The following PTH2R variants were observed in gnomAD, a reference collection of about 807,000 sequenced individuals.
PTH2R encodes PTH2 receptor.
PTH2R carries 59 observed loss-of-function variants against 60.3 expected under a neutral mutation model. The ratio of observed to expected loss-of-function variants is 0.98; its 90% CI spans 0.79 to 1.22. The LOEUF is 1.22. Ranked by LOEUF, PTH2R falls within the 50% of genes most tolerant of loss-of-function variation. The probability of loss-of-function intolerance (pLI) is 0.00; values close to 1 mark genes in which losing one functional copy is unlikely to be tolerated. For missense variants in PTH2R, 749 were observed against 682.6 expected (o/e 1.10, Z -1.08); for synonymous variants, 256 against 243.8 (o/e 1.05, Z -0.47).
chr2:208,378,930 G>A (rs906772132), intron 1 of PTH2R, among the ~76,000 whole-genome samples: 8 of 152,132 alleles, frequency 5.3e-5, no homozygotes, highest in Non-Finnish European at 1.0e-4. Context: ...CAGGGTGGTT[G>A]TGAAGATTAG....
chr2:208,438,706 G>C (rs1195457888), intron 4 of PTH2R, among the ~76,000 whole-genome samples: 2 of 152,174 alleles, frequency 1.3e-5, no homozygotes, highest in Non-Finnish European at 2.9e-5. Context: ...AAAACCCTGA[G>C]AATAGTCCAT....
intron 9 of PTH2R, among the ~76,000 whole-genome samples, chr2:208,477,947 TACTA>T (rs1703051351): frequency 3.6e-5 from 1 of 27,992 alleles, no homozygotes; most frequent in Admixed American, 6.1e-4. Context: ...CTACTAGTAG[TACTA>T]GCACTACTAC....
chr2:208,441,987 C>T (rs1340234995), intron 4 of PTH2R, among the ~76,000 whole-genome samples: 2 of 151,894 alleles, frequency 1.3e-5, no homozygotes, highest in African/African-American at 2.4e-5. Flanking sequence ...GTAACGATAT[C>T]GATGAATATA....
chr2:208,485,339 C>G lies in PTH2R; in HGVS notation c.1077-3673C>G, dbSNP rs182622308. Among the ~76,000 whole-genome samples, 851 of 152,250 alleles carry G rather than the reference C, an allele frequency of 5.6e-3. 11 individuals are homozygous for G. The highest frequency in any genetic ancestry group is 0.018 in the African/African-American group (750 of 41,542). ...CGTGGCTTTGCCCTTGGACACAGAC[C>G]ACACCATGTTTCCAGCAAACCAGAA... On this transcript the variant is annotated intron_variant, in intron 10 of 12. Transcript: ENST00000272847.
At chr2:208,408,321 G>GA (rs1309441634) in intron 1 of PTH2R, among the ~76,000 whole-genome samples, 1 of 152,040 alleles carries the variant, frequency 6.6e-6, no homozygotes, top group Non-Finnish European at 1.5e-5. Flanking sequence ...TGAATGCATG[G>GA]AAAAAAATTT....
intron 9 of PTH2R, chr2:208,469,714 C>T (rs1319946040): frequency 6.6e-6 from 1 of 152,128 alleles, no homozygotes; most frequent in Non-Finnish European, 1.5e-5. Context: ...AAATAAATGT[C>T]CCCAAATGTA....
At chr2:208,385,662 C>T (rs945012142) in intron 1 of PTH2R, among the ~76,000 whole-genome samples, 30 of 152,160 alleles carry the variant, frequency 2.0e-4, no homozygotes, top group Non-Finnish European at 2.8e-4. Flanking sequence ...TTTTCAATGA[C>T]GTAGTACCAG....
intron 1 of PTH2R, among the ~76,000 whole-genome samples, chr2:208,383,235 G>A (rs569429696): frequency 8.1e-4 from 123 of 152,212 alleles, no homozygotes; most frequent in Non-Finnish European, 1.5e-3. Context: ...AAGTAAGGAC[G>A]AATTTCCTTT....
At chr2:208,439,017 A>G (rs1335214183) in intron 4 of PTH2R, among the ~76,000 whole-genome samples, 1 of 152,190 alleles carries the variant, frequency 6.6e-6, no homozygotes, top group Non-Finnish European at 1.5e-5. Flanking sequence ...TTAAGCTAAA[A>G]TGCTTCAAAA....
intron 2 of PTH2R, among the ~76,000 whole-genome samples, chr2:208,430,261 T>C (rs1207534686): frequency 2.6e-5 from 4 of 152,158 alleles, no homozygotes; most frequent in Non-Finnish European, 5.9e-5. Context: ...CTTAATTTTA[T>C]GTTATTATAA....
At chr2:208,412,646 C>G (rs1269568204) in intron 1 of PTH2R, among the ~76,000 whole-genome samples, 1 of 152,152 alleles carries the variant, frequency 6.6e-6, no homozygotes, top group Non-Finnish European at 1.5e-5. Flanking sequence ...CTGTAGTCCA[C>G]GTTTTACTAT....
intron 1 of PTH2R, among the ~76,000 whole-genome samples, chr2:208,417,931 T>C (rs1402596055): frequency 3.3e-5 from 5 of 152,130 alleles, no homozygotes; most frequent in Admixed American, 6.6e-5. Flanking sequence ...TACAAATACC[T>C]TATGAGCAAT....
At chr2:208,446,875 T>C (rs920740327) in intron 7 of PTH2R, among the ~76,000 whole-genome samples, 3 of 152,226 alleles carry the variant, frequency 2.0e-5, no homozygotes, top group Admixed American at 1.3e-4. Context: ...ACATTATATA[T>C]GCCTTGCAGG....
chr2:208,370,220 G>A (rs2125869323), intron 1 of PTH2R, among the ~76,000 whole-genome samples: 1 of 152,032 alleles, frequency 6.6e-6, no homozygotes, highest in Non-Finnish European at 1.5e-5. Context: ...GAAGCGGGCG[G>A]ATCATGAGGT....
intron 5 of PTH2R, 38 bp from the exon 6 acceptor site, chr2:208,443,310 T>G: frequency 2.7e-6 from 4 of 1,477,198 alleles, no homozygotes; most frequent in Non-Finnish European, 3.6e-6. Context: ...CATTTTTAAT[T>G]TTATCCAAAT....
chr2:208,400,231 A>C (rs907136939), intron 1 of PTH2R, among the ~76,000 whole-genome samples: 4 of 152,228 alleles, frequency 2.6e-5, no homozygotes, highest in Non-Finnish European at 4.4e-5. Context: ...ACAAAATAAA[A>C]TATGAATTCT....
chr2:208,450,091 G>C (rs547200293), intron 7 of PTH2R, among the ~76,000 whole-genome samples: 34 of 152,294 alleles, frequency 2.2e-4, no homozygotes, highest in African/African-American at 7.7e-4. Flanking sequence ...GGGGGCAAAC[G>C]AAAGTCGGTA....
intron 4 of PTH2R, among the ~76,000 whole-genome samples, chr2:208,438,231 A>G (rs180680262): frequency 3.2e-4 from 49 of 152,320 alleles, no homozygotes; most frequent in Non-Finnish European, 4.9e-4. Flanking sequence ...TTAGTTACCT[A>G]TGAATGGCTA....
At chr2:208,476,059 A>G (rs1398149361) in intron 9 of PTH2R, among the ~76,000 whole-genome samples, 2 of 152,204 alleles carry the variant, frequency 1.3e-5, no homozygotes, top group Non-Finnish European at 2.9e-5. Context: ...GAGCTCTGGC[A>G]GAAGGAATAA....
Sources: allele counts gnomAD v4.1 joint callset (sites outside exome capture counted in the v4.1 genomes callset), GRCh38; gene constraint gnomAD v4.1.1; transcripts MANE v1.5; gene names NCBI Gene and HGNC (gene_info 2026-07-23, HGNC 2026-07-21).